The following CDH18 variants were observed in gnomAD, a reference collection of about 807,000 sequenced individuals.
CDH18 encodes the protein cadherin 18.
CDH18 carries 31 observed loss-of-function variants against 67.9 expected under a neutral mutation model. The ratio of observed to expected loss-of-function variants is 0.46; its 90% CI spans 0.34 to 0.62. CDH18 has a LOEUF of 0.62. Among genes scored for constraint, CDH18 ranks in the 20% least tolerant of loss-of-function variants. CDH18 has a pLI of 0.01. For synonymous variants in CDH18, 362 were observed against 347.2 expected (o/e 1.04, Z -0.48); for missense variants, 890 against 975.5 (o/e 0.91, Z 1.17).
At chr5:19,943,172 T>A (rs962318155) in intron 2 of CDH18, among the ~76,000 whole-genome samples, 1 of 152,110 alleles carries the variant, frequency 6.6e-6, no homozygotes, top group East Asian at 1.9e-4. Context: ...GGAAAATGAT[T>A]GTAATAATCT....
At chr5:20,116,818 C>G (rs1343318620) in intron 2 of CDH18, among the ~76,000 whole-genome samples, 2 of 152,158 alleles carry the variant, frequency 1.3e-5, no homozygotes, top group East Asian at 1.9e-4. Context: ...AGCTGTTAGG[C>G]TGCAGATCAG....
chr5:19,526,759 TA>T (rs1420719502), intron 9 of CDH18, among the ~76,000 whole-genome samples: 1 of 152,010 alleles, frequency 6.6e-6, no homozygotes, highest in East Asian at 1.9e-4. Context: ...AAATTAGTAT[TA>T]AAAATATTTG....
At chr5:19,574,953 C>T (rs1264951417) in intron 7 of CDH18, among the ~76,000 whole-genome samples, 11 of 152,052 alleles carry the variant, frequency 7.2e-5, no homozygotes, top group Admixed American at 3.3e-4. Flanking sequence ...GCAGGAGAAT[C>T]GCTTGAACCC....
chr5:20,471,849 A>AAAAAAAAAAAAAAC (rs1752109506), intron 1 of CDH18, among the ~76,000 whole-genome samples: 1 of 146,774 alleles, frequency 6.8e-6, no homozygotes, highest in Non-Finnish European at 1.5e-5. Context: ...AAAAAAAAAA[A>AAAAAAAAAAAAAAC]AAGCAAAAGC....
chr5:19,559,836 C>T (rs187273421), intron 8 of CDH18, among the ~76,000 whole-genome samples: 1 of 148,446 alleles, frequency 6.7e-6, no homozygotes, highest in African/African-American at 2.5e-5. Flanking sequence ...ATAATGTGCA[C>T]AAATCAGTAG....
At chr5:19,758,952 T>G (rs1371066846) in intron 3 of CDH18, among the ~76,000 whole-genome samples, 6 of 152,200 alleles carry the variant, frequency 3.9e-5, no homozygotes. Flanking sequence ...TCTCTCTGAA[T>G]AAGATTATGA....
intron 2 of CDH18, among the ~76,000 whole-genome samples, chr5:19,974,337 G>A (rs1429918174): frequency 6.6e-6 from 1 of 151,768 alleles, no homozygotes; most frequent in African/African-American, 2.4e-5. Context: ...TTCGAGACTA[G>A]CCTGGCCAAT....
intron 1 of CDH18, among the ~76,000 whole-genome samples, chr5:20,462,766 C>G (rs1025050035): frequency 2.0e-5 from 3 of 152,096 alleles, no homozygotes; most frequent in Non-Finnish European, 4.4e-5. Context: ...CCATATTGCA[C>G]AGATAAGAAA....
intron 1 of CDH18, among the ~76,000 whole-genome samples, chr5:20,365,156 G>T (rs191206335): frequency 6.6e-6 from 1 of 152,260 alleles, no homozygotes; most frequent in African/African-American, 2.4e-5. Context: ...TGCCAGCATG[G>T]TTGGGTTCTG....
intron 5 of CDH18, among the ~76,000 whole-genome samples, chr5:19,696,191 G>C (rs1390328584): frequency 6.6e-6 from 1 of 151,776 alleles, no homozygotes; most frequent in African/African-American, 2.4e-5. Flanking sequence ...TGGAAAAGAA[G>C]ACTGAACATT....
chr5:20,544,861 C>T (rs1408261161), intron 1 of CDH18, among the ~76,000 whole-genome samples: 2 of 152,154 alleles, frequency 1.3e-5, no homozygotes, highest in African/African-American at 4.8e-5. Context: ...TTAATTCATT[C>T]CAGCATTAAC....
intron 5 of CDH18, among the ~76,000 whole-genome samples, chr5:19,689,180 G>A (rs1267225023): frequency 6.6e-6 from 1 of 152,040 alleles, no homozygotes; most frequent in African/African-American, 2.4e-5. Context: ...TAAACTTAGA[G>A]ATTCTCAAAT....
chr5:20,219,668 T>A (rs1464890733), intron 2 of CDH18, among the ~76,000 whole-genome samples: 1 of 151,806 alleles, frequency 6.6e-6, no homozygotes, highest in East Asian at 1.9e-4. Context: ...GATGCAAAAA[T>A]ACTTCAATAT....
intron 2 of CDH18, among the ~76,000 whole-genome samples, chr5:19,964,335 T>A (rs144850283): frequency 3.3e-5 from 5 of 151,356 alleles, no homozygotes; most frequent in African/African-American, 9.7e-5. Flanking sequence ...AATCCCAGCA[T>A]TTTGGAAGGC....
intron 2 of CDH18, among the ~76,000 whole-genome samples, chr5:19,911,229 T>A (rs1791108160): frequency 6.6e-6 from 1 of 152,126 alleles, no homozygotes; most frequent in Admixed American, 6.6e-5. Flanking sequence ...AGGTATTTGG[T>A]GGCTGAGCAT....
intron 2 of CDH18, among the ~76,000 whole-genome samples, chr5:20,151,039 T>C (rs1291566524): frequency 2.0e-5 from 3 of 151,994 alleles, no homozygotes; most frequent in Non-Finnish European, 2.9e-5. Flanking sequence ...TTTTTAGATA[T>C]AGTGGGTCCT....
intron 2 of CDH18, among the ~76,000 whole-genome samples, chr5:20,056,493 T>G (rs1301850095): frequency 7.3e-6 from 1 of 136,230 alleles, no homozygotes; most frequent in African/African-American, 2.7e-5. Flanking sequence ...TTTTTTTTTT[T>G]TTTTTTTTTT....
intron 1 of CDH18, among the ~76,000 whole-genome samples, chr5:20,351,087 A>G (rs2150057002): frequency 6.6e-6 from 1 of 152,090 alleles, no homozygotes; most frequent in South Asian, 2.1e-4. Context: ...ACCTCCCAGC[A>G]CAATCAATTC....
chr5:19,728,878 G>A (rs77956083), intron 4 of CDH18, among the ~76,000 whole-genome samples: 2,678 of 152,152 alleles, frequency 0.018, 70 homozygotes, highest in African/African-American at 0.061. Context: ...AGAAATAGTC[G>A]TCAAGATACA....
Sources: gnomAD v4.1 joint callset for allele counts (sites outside exome capture counted in the v4.1 genomes callset) on GRCh38, gnomAD v4.1.1 for gene constraint, MANE v1.5 for transcripts, NCBI Gene and HGNC (gene_info 2026-07-23, HGNC 2026-07-21) for gene names.